The following CNTN6 variants were observed in gnomAD, a reference collection of about 807,000 sequenced individuals.
The protein encoded by CNTN6 is contactin-6.
A neutral mutation model predicts 122.8 loss-of-function variants in CNTN6; 137 were observed. The observed-to-expected ratio is 1.12, with a 90% CI of 0.97 to 1.29. The LOEUF (loss-of-function observed/expected upper bound fraction) is 1.29. Among genes scored for constraint, CNTN6 ranks in the 50% most tolerant of loss-of-function variants. The probability of loss-of-function intolerance (pLI) is 0.00; values close to 1 mark genes in which losing one functional copy is unlikely to be tolerated. For missense variants in CNTN6, 1,634 were observed against 1,223.4 expected (o/e 1.34, Z -5.01); for synonymous variants, 570 against 426.0 (o/e 1.34, Z -4.16).
intron 11 of CNTN6, among the ~76,000 whole-genome samples, chr3:1,348,787 T>A (rs1240155583): frequency 2.0e-5 from 3 of 151,978 alleles, no homozygotes; most frequent in African/African-American, 7.2e-5. Flanking sequence ...TGCTTCTCTT[T>A]ATGCCTGTTT....
At chr3:1,156,563 A>C (rs898376045) in intron 2 of CNTN6, among the ~76,000 whole-genome samples, 2 of 152,164 alleles carry the variant, frequency 1.3e-5, no homozygotes, top group African/African-American at 4.8e-5. Flanking sequence ...GATAGTGGGC[A>C]AAGGAAGAAA....
chr3:1,315,049 A>G (rs562203220), intron 7 of CNTN6, among the ~76,000 whole-genome samples: 1 of 152,058 alleles, frequency 6.6e-6, no homozygotes, highest in Non-Finnish European at 1.5e-5. Flanking sequence ...GTTTAAAGGG[A>G]AATGTTGCCA....
At chr3:1,233,927 A>G (rs985228673) in intron 4 of CNTN6, among the ~76,000 whole-genome samples, 1 of 152,034 alleles carries the variant, frequency 6.6e-6, no homozygotes, top group African/African-American at 2.4e-5. Context: ...CACAGGATTG[A>G]TTTTAAATGG....
Position 1,103,390 on chromosome 3 carries a change from T to G in CNTN6, c.-83+10270T>G, listed in dbSNP as rs138959426. 2.5e-3 allele frequency among the ~76,000 whole-genome samples: 386 copies of G among 152,322 alleles called. 2 individuals are homozygous for G. The highest frequency in any genetic ancestry group is 8.9e-3 in the African/African-American group (368 of 41,580). The stretch of plus-strand genomic sequence containing the variant: ...CTTATAAAATATAATTTTTTCAGAG[T>G]TGCCGACTTTCCTTTTTTGTTGTCC... On this transcript the variant is annotated intron_variant, in intron 1 of 22. Coordinates refer to ENST00000446702, the MANE Select transcript of CNTN6 (RefSeq NM_001289080.2).
intron 6 of CNTN6, among the ~76,000 whole-genome samples, chr3:1,296,353 C>A (rs1696235078): frequency 6.6e-6 from 1 of 152,068 alleles, no homozygotes; most frequent in African/African-American, 2.4e-5. Flanking sequence ...TAATTATATT[C>A]CTCCAAGGAA....
At chr3:1,347,088 T>C (rs973160501) in intron 11 of CNTN6, among the ~76,000 whole-genome samples, 24 of 152,184 alleles carry the variant, frequency 1.6e-4, no homozygotes, top group African/African-American at 5.8e-4. Context: ...ACATGCTCTA[T>C]ATTCTAAAGC....
chr3:1,213,850 G>A lies in CNTN6; in HGVS notation c.56-6837G>A, dbSNP rs576901935. 4.6e-5 allele frequency among the ~76,000 whole-genome samples: 7 copies of A among 151,960 alleles called. No homozygotes were observed. In the South Asian group the frequency reaches 1.5e-3, roughly 32 times the overall value. On this transcript the variant is annotated intron_variant, in intron 2 of 22. Coordinates refer to ENST00000446702, the MANE Select transcript of CNTN6 (RefSeq NM_001289080.2). Reference sequence around the variant, plus strand: ...AAAATTTTTTAAATGATTTCTCTAAGGTTAAAAGATACAATGAATGATACA... The same window carrying A: ...AAAATTTTTTAAATGATTTCTCTAAAGTTAAAAGATACAATGAATGATACA...
intron 12 of CNTN6, among the ~76,000 whole-genome samples, chr3:1,356,956 C>T (rs1005873613): frequency 6.6e-6 from 1 of 151,838 alleles, no homozygotes; most frequent in African/African-American, 2.4e-5. Flanking sequence ...AAACACGCAT[C>T]AATTTAAGCA....
In CNTN6 at chr3:1,352,435, C is replaced by T; in HGVS notation, c.1476C>T (p.Gly492=). ...TNQFGTAKNT[G]SLIVKERTVI... ...AGTTTGGCACTGCAAAGAACACTGGCAGCCTCATTGTAAAAGGTATCATAT... is the reference window on the plus strand; with the variant it reads ...AGTTTGGCACTGCAAAGAACACTGGTAGCCTCATTGTAAAAGGTATCATAT... Residue 492 remains glycine (G), a synonymous_variant, in exon 12 of 23, where the codon GGC becomes GGT. Coordinates refer to ENST00000446702, the MANE Select transcript of CNTN6 (RefSeq NM_001289080.2). 1 of 1,609,682 alleles carries T rather than the reference C, an allele frequency of 6.2e-7. No individual in the cohort carries two copies. The highest frequency in any genetic ancestry group is 1.1e-5 in the South Asian group (1 of 90,936).
At chr3:1,387,950 G>C (rs1021769093) in intron 20 of CNTN6, among the ~76,000 whole-genome samples, 1 of 152,118 alleles carries the variant, frequency 6.6e-6, no homozygotes, top group African/African-American at 2.4e-5. Flanking sequence ...ACAGCAGTCT[G>C]AGATCAAACT....
intron 12 of CNTN6, among the ~76,000 whole-genome samples, chr3:1,369,382 T>G (rs200245712): frequency 2.8e-4 from 3 of 10,654 alleles, no homozygotes; most frequent in East Asian, 2.7e-3. Flanking sequence ...TTGCTGCGGG[T>G]TTTTTTTTTT....
chr3:1,227,028 G>C (rs1244815600), intron 3 of CNTN6, among the ~76,000 whole-genome samples: 1 of 152,102 alleles, frequency 6.6e-6, no homozygotes, highest in Non-Finnish European at 1.5e-5. Context: ...AGTGAGTCTG[G>C]TTAGAGATAA....
In CNTN6 at chr3:1,372,895, C is replaced by G. The variant is rs759904703; in HGVS notation, c.1726C>G (p.Leu576Val). 1 of 1,610,568 alleles carries G rather than the reference C, an allele frequency of 6.2e-7. No homozygotes were observed. The highest frequency in any genetic ancestry group is 1.3e-5 in the African/African-American group (1 of 74,744). ...NIQLHHSGKY[L>V]CTVQTTLESL... ...TCAGTTACATCATTCAGGAAAATATCTCTGCACAGTACAAACAACCCTAGA... is the reference window on the plus strand; with the variant it reads ...TCAGTTACATCATTCAGGAAAATATGTCTGCACAGTACAAACAACCCTAGA... The change falls in exon 14 of 23, where the codon CTC becomes GTC. Residue 576 changes from leucine (L) to valine (V), a missense_variant. Leu to Val is a conservative substitution (Grantham distance 32). Coordinates refer to ENST00000446702, the MANE Select transcript of CNTN6 (RefSeq NM_001289080.2).
chr3:1,136,879 C>G (rs1370458667), intron 1 of CNTN6, among the ~76,000 whole-genome samples: 1 of 152,162 alleles, frequency 6.6e-6, no homozygotes, highest in Non-Finnish European at 1.5e-5. Context: ...CAGTTTCAGT[C>G]TCTTCACCTG....
chr3:1,377,993 G>A (rs1411470623), intron 17 of CNTN6, among the ~76,000 whole-genome samples: 2 of 152,096 alleles, frequency 1.3e-5, no homozygotes, highest in Non-Finnish European at 2.9e-5. Flanking sequence ...ACTCCCAACT[G>A]CAATTCCTTG....
At chr3:1,349,636 ATTTGAT>A (rs1705317808) in intron 11 of CNTN6, among the ~76,000 whole-genome samples, 3 of 151,950 alleles carry the variant, frequency 2.0e-5, no homozygotes, top group Admixed American at 2.0e-4. Flanking sequence ...GCTCAGTGCC[ATTTGAT>A]CTTCACTGAG....
chr3:1,336,119 T>C (rs1407455717), intron 11 of CNTN6, among the ~76,000 whole-genome samples: 1 of 112,222 alleles, frequency 8.9e-6, no homozygotes, highest in Non-Finnish European at 2.2e-5. Context: ...TTTTCTCTCA[T>C]TTTCCTTAAA....
intron 2 of CNTN6, among the ~76,000 whole-genome samples, chr3:1,195,402 T>A (rs532891140): frequency 6.6e-6 from 1 of 152,264 alleles, no homozygotes; most frequent in East Asian, 1.9e-4. Flanking sequence ...AACCTAAATT[T>A]AAAAATACCT....
At chr3:1,267,157 C>G (rs77956163) in intron 4 of CNTN6, among the ~76,000 whole-genome samples, 14 of 151,980 alleles carry the variant, frequency 9.2e-5, no homozygotes, top group Non-Finnish European at 1.8e-4. Context: ...ATGTACTTCC[C>G]CCAGTGACAG....
Sources: allele counts gnomAD v4.1 joint callset (sites outside exome capture counted in the v4.1 genomes callset), GRCh38; gene constraint gnomAD v4.1.1; transcripts MANE v1.5; gene names NCBI Gene and HGNC (gene_info 2026-07-23, HGNC 2026-07-21).